The following ASPH variants were observed in gnomAD, a reference collection of about 807,000 sequenced individuals.
ASPH encodes aspartate beta-hydroxylase, also known as aspartyl/asparaginyl beta-hydroxylase.
Under a neutral mutation model 118.4 loss-of-function variants are expected in ASPH, and 100 were observed. That is an observed-to-expected ratio of 0.84 (90% CI 0.72 to 1.00). The LOEUF (loss-of-function observed/expected upper bound fraction) is 1.00, where lower values mean the gene tolerates loss of function less well. ASPH is among the 50% of genes least tolerant of loss of function. ASPH has a pLI of 0.00. For missense variants in ASPH, 920 were observed against 919.5 expected (o/e 1.00, Z -0.01); for synonymous variants, 315 against 325.6 (o/e 0.97, Z 0.35).
At position 61,644,017 on chromosome 8, in the gene ASPH, T is replaced by C. The variant is rs1476924944; in HGVS notation, c.653-16A>G. 15 of 1,584,330 alleles carry C rather than the reference T, an allele frequency of 9.5e-6. No individual in the cohort carries two copies. The highest frequency in any genetic ancestry group is 1.3e-5 in the Non-Finnish European group (15 of 1,154,826). On this transcript the variant is annotated splice_polypyrimidine_tract_variant and intron_variant, in intron 7 of 24. Coordinates refer to ENST00000379454, the MANE Select transcript of ASPH (RefSeq NM_004318.4). The stretch of plus-strand genomic sequence containing the variant: ...TCTTGTGAAACTATAAATTATGGAA[T>C]AATTAGGAAATTACGTCTCAAATAA...
At chr8:61,590,927 C>A (rs932220357) in intron 14 of ASPH, among the ~76,000 whole-genome samples, 1 of 152,096 alleles carries the variant, frequency 6.6e-6, no homozygotes, top group Non-Finnish European at 1.5e-5. Flanking sequence ...AGAAAATAAT[C>A]TCTCCTATGG....
At position 61,517,648 on chromosome 8, in the gene ASPH, A is replaced by G; in HGVS notation, c.2006T>C (p.Ile669Thr). Residue 669 changes from isoleucine to threonine, a missense_variant, in exon 24 of 25, where the codon ATC becomes ACC. Coordinates refer to ENST00000379454, the MANE Select transcript of ASPH (RefSeq NM_004318.4). The part of the protein sequence containing the change: ...GCRRGQIKYS[I>T]MHPGTHVWPH... The stretch of plus-strand genomic sequence containing the variant: ...CCACACGTGAGTCCCGGGGTGCATG[A>G]TGGAATATTTGATCTGCATAGAAAA... The G allele has an allele frequency of 1.9e-6, 3 of 1,613,950 alleles. No homozygotes were observed. The highest frequency in any genetic ancestry group is 2.5e-6 in the Non-Finnish European group (3 of 1,179,878).
At chr8:61,519,058 C>A (rs754510204) in intron 22 of ASPH, among the ~76,000 whole-genome samples, 12 of 152,166 alleles carry the variant, frequency 7.9e-5, no homozygotes, top group Admixed American at 1.3e-4. Context: ...CAACAGGAAG[C>A]AGCTATGAAA....
At chr8:61,560,686 T>A (rs897587444) in intron 18 of ASPH, among the ~76,000 whole-genome samples, 2 of 152,194 alleles carry the variant, frequency 1.3e-5, no homozygotes, top group African/African-American at 4.8e-5. Flanking sequence ...CAGATGAGAT[T>A]ATGATATAAA....
At chr8:61,708,050 T>C (rs1336497500) in intron 1 of ASPH, among the ~76,000 whole-genome samples, 1 of 152,146 alleles carries the variant, frequency 6.6e-6, no homozygotes, top group African/African-American at 2.4e-5. Flanking sequence ...CATAAAATGT[T>C]TAACAATGGT....
intron 7 of ASPH, 38 bp downstream of exon 7, chr8:61,644,562 T>C: frequency 1.3e-6 from 2 of 1,495,978 alleles, no homozygotes; most frequent in Admixed American, 2.0e-5. Context: ...AAAGGAAGAC[T>C]CACTCTAATT....
At chr8:61,672,980 T>C (rs1823362880) in intron 3 of ASPH, among the ~76,000 whole-genome samples, 1 of 152,156 alleles carries the variant, frequency 6.6e-6, no homozygotes, top group African/African-American at 2.4e-5. Context: ...AGTGACCAAA[T>C]TAAGAATAAC....
In ASPH at chr8:61,562,893, G is replaced by A; in HGVS notation, c.1301-13C>T. ...CCTCTCATATGACCTGAGTAGGTGGGAATTTAAAAAAAATAGAAATAAAAA... is the reference window on the plus strand; with the variant it reads ...CCTCTCATATGACCTGAGTAGGTGGAAATTTAAAAAAAATAGAAATAAAAA... On this transcript the variant is annotated splice_polypyrimidine_tract_variant and intron_variant, in intron 17 of 24. Coordinates refer to ENST00000379454, the MANE Select transcript of ASPH (RefSeq NM_004318.4). 4 of 1,554,554 alleles carry A rather than the reference G, an allele frequency of 2.6e-6. No homozygotes were observed. Among genetic ancestry groups the A allele is most frequent in the Non-Finnish European group, 2.6e-6 (3 of 1,157,438 alleles).
intron 8 of ASPH, 111 bp downstream of exon 8, chr8:61,643,834 T>C: frequency 1.2e-6 from 1 of 817,498 alleles, no homozygotes; most frequent in South Asian, 1.5e-5. Context: ...TGATTATAAA[T>C]ACCATACAGG....
intron 3 of ASPH, 24 bp downstream of exon 3, chr8:61,680,944 A>G: frequency 6.4e-7 from 1 of 1,566,886 alleles, no homozygotes; most frequent in Admixed American, 1.8e-5. Flanking sequence ...CACCACTAAC[A>G]AAAAACATAA....
At chr8:61,552,976 A>G (rs1234569866) in intron 20 of ASPH, 55 bp downstream of exon 20, 2 of 1,378,024 alleles carry the variant, frequency 1.5e-6, no homozygotes, top group Admixed American at 2.0e-5. Context: ...AGAAATAATT[A>G]TTCTCCCAAC....
intron 4 of ASPH, among the ~76,000 whole-genome samples, chr8:61,652,325 C>A (rs966006096): frequency 1.3e-5 from 2 of 152,150 alleles, no homozygotes; most frequent in Non-Finnish European, 2.9e-5. Context: ...TTTGCCCAAA[C>A]TGGTGAAAGT....
At chr8:61,639,742 C>T (rs1052546275) in intron 10 of ASPH, among the ~76,000 whole-genome samples, 1 of 152,146 alleles carries the variant, frequency 6.6e-6, no homozygotes, top group Admixed American at 6.5e-5. Flanking sequence ...CACCAAATGG[C>T]TCATTTGATC....
At chr8:61,638,498 C>T (rs1858925476) in intron 10 of ASPH, 135 bp from the exon 11 acceptor site, 1 of 744,590 alleles carries the variant, frequency 1.3e-6, no homozygotes, top group African/African-American at 1.8e-5. Flanking sequence ...AAACAGCCGA[C>T]TAGAGAGTAG....
At position 61,576,752 on chromosome 8, in the gene ASPH, G is replaced by T; in HGVS notation, c.1149+20C>A. 1 of 1,597,078 alleles carries T rather than the reference G, an allele frequency of 6.3e-7. No individual in the cohort carries two copies. The highest frequency in any genetic ancestry group is 8.5e-7 in the Non-Finnish European group (1 of 1,170,172). The stretch of plus-strand genomic sequence containing the variant: ...CATGAACATCAAAAAAGTGTCCTAA[G>T]GAGAAGGGTCTCAGAATACCTGCGC... On this transcript the variant is annotated intron_variant, in intron 16 of 24. Coordinates refer to ENST00000379454, the MANE Select transcript of ASPH (RefSeq NM_004318.4).
chr8:61,618,908 G>C, intron 14 of ASPH, 70 bp downstream of exon 14: 1 of 1,336,766 alleles, frequency 7.5e-7, no homozygotes, highest in South Asian at 1.3e-5. Context: ...GTTATTCTTG[G>C]ATGGAACATA....
At chr8:61,668,865 G>A (rs1398617991) in intron 3 of ASPH, among the ~76,000 whole-genome samples, 1 of 152,002 alleles carries the variant, frequency 6.6e-6, no homozygotes, top group Non-Finnish European at 1.5e-5. Flanking sequence ...TCCTCTCTTG[G>A]CAAATGAAAG....
At chr8:61,669,129 G>A (rs996165518) in intron 3 of ASPH, among the ~76,000 whole-genome samples, 4 of 152,124 alleles carry the variant, frequency 2.6e-5, no homozygotes, top group African/African-American at 9.7e-5. Context: ...AAAGAACGAA[G>A]GTCTAAGGTG....
At chr8:61,622,324 G>A (rs529419701) in intron 13 of ASPH, among the ~76,000 whole-genome samples, 1 of 152,302 alleles carries the variant, frequency 6.6e-6, no homozygotes, top group African/African-American at 2.4e-5. Flanking sequence ...GTGACAGGGC[G>A]AGACTCTGAG....
Sources: gnomAD v4.1 joint callset for allele counts (sites outside exome capture counted in the v4.1 genomes callset) on GRCh38, gnomAD v4.1.1 for gene constraint, MANE v1.5 for transcripts, NCBI Gene and HGNC (gene_info 2026-07-23, HGNC 2026-07-21) for gene names.